EEF1G: variants seen among roughly 807,000 people sequenced by gnomAD.
EEF1G encodes eukaryotic translation elongation factor 1 gamma, also known as elongation factor 1-gamma.
Under a neutral mutation model 58.3 loss-of-function variants are expected in EEF1G, and 14 were observed. That is an observed-to-expected ratio of 0.24 (90% CI 0.16 to 0.38). EEF1G has a LOEUF of 0.38. Ranked by LOEUF, EEF1G falls within the 10% of genes least tolerant of loss-of-function variation. The pLI is 1.00. For synonymous variants in EEF1G, 180 were observed against 206.8 expected (o/e 0.87, Z 1.11); for missense variants, 322 against 550.1 (o/e 0.59, Z 4.15).
chr11:62,561,714 T>TA (rs1941499489), intron 7 of EEF1G, among the ~76,000 whole-genome samples: 1 of 148,260 alleles, frequency 6.7e-6, no homozygotes, highest in Admixed American at 6.7e-5. Context: ...AAAACACATA[T>TA]ATGTGTGTGT....
At chr11:62,563,943 T>C (rs146555659) in intron 7 of EEF1G, among the ~76,000 whole-genome samples, 77 of 152,278 alleles carry the variant, frequency 5.1e-4, no homozygotes, top group Non-Finnish European at 9.3e-4. Context: ...CCTGAACTGT[T>C]CAAGCTATTT....
chr11:62,571,537 C>T lies in EEF1G; in HGVS notation c.378+3G>A. The T allele has an allele frequency of 1.3e-6, 2 of 1,595,746 alleles. No homozygotes were observed. The highest frequency in any genetic ancestry group is 1.1e-5 in the South Asian group (1 of 87,386). On this transcript the variant is annotated splice_donor_region_variant and intron_variant, in intron 4 of 9. Transcript: ENST00000329251. Reference sequence around the variant, plus strand: ...TGGCTTCTCTCAAAGTTCCAAGGCTCACCTGTTTGTTGTGGTGCATGATGC... The same window carrying T: ...TGGCTTCTCTCAAAGTTCCAAGGCTTACCTGTTTGTTGTGGTGCATGATGC...
intron 1 of EEF1G, 163 bp downstream of exon 1, chr11:62,573,668 C>T: frequency 1.0e-6 from 1 of 1,000,726 alleles, no homozygotes; most frequent in Non-Finnish European, 1.5e-6. Flanking sequence ...AGCCTCAGTT[C>T]CCCTCCAGGC....
chr11:62,566,440 C>T (rs897291553), intron 7 of EEF1G, among the ~76,000 whole-genome samples: 4 of 152,052 alleles, frequency 2.6e-5, no homozygotes, highest in African/African-American at 4.8e-5. Flanking sequence ...CGTGGCGCAC[C>T]GCAAGGCTCT....
intron 1 of EEF1G, chr11:62,573,589 A>C (rs1941664558): frequency 3.3e-6 from 2 of 601,252 alleles, no homozygotes; most frequent in South Asian, 2.1e-5. Context: ...CAGGCTTCGG[A>C]CGGCCCAGAC....
intron 2 of EEF1G, among the ~76,000 whole-genome samples, chr11:62,572,122 A>G (rs1482532879): frequency 6.6e-6 from 1 of 152,092 alleles, no homozygotes; most frequent in Non-Finnish European, 1.5e-5. Flanking sequence ...TTTGAATATT[A>G]CAGGATATTT....
At chr11:62,563,655 T>C (rs1408165667) in intron 7 of EEF1G, among the ~76,000 whole-genome samples, 1 of 152,226 alleles carries the variant, frequency 6.6e-6, no homozygotes, top group East Asian at 1.9e-4. Context: ...GAATGTTTAG[T>C]TGGTTCTATT....
intron 4 of EEF1G, 101 bp downstream of exon 4, chr11:62,571,439 T>G: frequency 6.8e-7 from 1 of 1,460,286 alleles, no homozygotes; most frequent in Non-Finnish European, 9.1e-7. Flanking sequence ...TGCCTACATA[T>G]CCTTGGCATC....
chr11:62,570,566 G>A (rs1371628538), intron 5 of EEF1G, among the ~76,000 whole-genome samples: 3 of 151,962 alleles, frequency 2.0e-5, no homozygotes, highest in African/African-American at 7.2e-5. Flanking sequence ...GCTGTTTTTT[G>A]TTTGTTTTGA....
chr11:62,567,051 C>T lies in EEF1G; in HGVS notation c.653-41G>A, dbSNP rs1208441036. On this transcript the variant is annotated intron_variant, in intron 6 of 9. Transcript: ENST00000329251. The stretch of plus-strand genomic sequence containing the variant: ...GCAGGAAAGTGAACGAATGTTCTGC[C>T]TCTTTCCACACCCCTCCAAAACCAC... 1.2e-5 allele frequency: 19 copies of T among 1,601,554 alleles called. No homozygotes were observed. The Admixed American group carries it at 3.2e-4, about 27-fold the overall frequency.
intron 2 of EEF1G, among the ~76,000 whole-genome samples, chr11:62,572,110 G>C (rs775440305): frequency 6.6e-6 from 1 of 152,022 alleles, no homozygotes; most frequent in African/African-American, 2.4e-5. Flanking sequence ...AAGCCCAATA[G>C]ATTTGAATAT....
intron 6 of EEF1G, 120 bp downstream of exon 6, chr11:62,567,279 T>C (rs1238778951): frequency 2.2e-6 from 3 of 1,341,088 alleles, no homozygotes; most frequent in Non-Finnish European, 3.0e-6. Flanking sequence ...GCTACCACAT[T>C]GACACCCTAC....
chr11:62,572,954 T>G (rs897439844), intron 1 of EEF1G: 8 of 430,232 alleles, frequency 1.9e-5, no homozygotes, highest in Non-Finnish European at 2.9e-5. Flanking sequence ...AAATAAAGCT[T>G]GTTGACAGAT....
chr11:62,567,240 G>A (rs1941567844), intron 6 of EEF1G, among the ~76,000 whole-genome samples, 159 bp downstream of exon 6: 1 of 152,166 alleles, frequency 6.6e-6, no homozygotes, highest in Non-Finnish European at 1.5e-5. Context: ...GTCAGGGTAT[G>A]AGTGTACACG....
intron 9 of EEF1G, 95 bp from the exon 10 acceptor site, chr11:62,559,932 CTCCTGTGAACATGA>C: frequency 6.2e-7 from 1 of 1,607,244 alleles, no homozygotes; most frequent in Non-Finnish European, 8.5e-7. Flanking sequence ...GACCCCAGGT[CTCCTGTGAACATGA>C]ACTGCTCCTT....
intron 7 of EEF1G, among the ~76,000 whole-genome samples, chr11:62,566,429 G>A (rs941085532): frequency 4.6e-5 from 7 of 152,056 alleles, no homozygotes; most frequent in African/African-American, 1.2e-4. Flanking sequence ...ACAGCCGGGC[G>A]CGTGGCGCAC....
chr11:62,563,585 CCAAA>C (rs568627994), intron 7 of EEF1G, among the ~76,000 whole-genome samples: 7 of 152,256 alleles, frequency 4.6e-5, no homozygotes, highest in South Asian at 2.1e-4. Flanking sequence ...ATTTTAATGG[CCAAA>C]CAATCTTCTA....
Position 62,572,604 on chromosome 11 carries a change from G to A in EEF1G, c.151C>T (p.Arg51Cys). Residue 51 changes from arginine (R) to cysteine (C), a missense_variant, in exon 2 of 10, where the codon CGC (arginine) becomes TGC (cysteine). Around this residue, in one of 3 missense-constraint regions of EEF1G, gnomAD observed 62 missense variants for 87.0 expected, o/e 0.71. Transcript: ENST00000329251. The part of the protein sequence containing the change: ...GQTNRTPEFL[R>C]KFPAGKVPAF... Reference sequence around the variant, plus strand: ...CTCACCTTGCCGGCAGGAAATTTGCGGAGAAATTCAGGGGTGCGGTTGGTT... The same window carrying A: ...CTCACCTTGCCGGCAGGAAATTTGCAGAGAAATTCAGGGGTGCGGTTGGTT... 1 of 1,612,110 alleles carries A rather than the reference G, an allele frequency of 6.2e-7. No individual in the cohort carries two copies. The highest frequency in any genetic ancestry group is 8.5e-7 in the Non-Finnish European group (1 of 1,179,868).
Position 62,560,374 on chromosome 11 carries a change from T to C in EEF1G, c.938A>G (p.His313Arg). The C allele has an allele frequency of 6.2e-7, 1 of 1,608,996 alleles. No individual in the cohort carries two copies. Among genetic ancestry groups the C allele is most frequent in the Non-Finnish European group, 8.5e-7 (1 of 1,177,494 alleles). ...CAGGGACCAGCCGTCCTTATCAAAGTGCTCCCAGAAATATGGCAGTGCCAC... is the reference window on the plus strand; with the variant it reads ...CAGGGACCAGCCGTCCTTATCAAAGCGCTCCCAGAAATATGGCAGTGCCAC... ...LSVALPYFWE[H>R]FDKDGWSLWY... is the part of the protein sequence containing the mutation. Residue 313 changes from histidine to arginine, a missense_variant, in exon 8 of 10, where the codon CAC becomes CGC. Physicochemically the swap from His to Arg is conservative, Grantham distance 29 (BLOSUM62 0). Around this residue, in one of 3 missense-constraint regions of EEF1G, gnomAD observed 208 missense variants for 323.7 expected, o/e 0.64. Transcript: ENST00000329251.
Sources: allele counts gnomAD v4.1 joint callset (sites outside exome capture counted in the v4.1 genomes callset), GRCh38; gene constraint gnomAD v4.1.1; regional missense constraint gnomAD v4.1.1; transcripts MANE v1.5; gene names NCBI Gene and HGNC (gene_info 2026-07-23, HGNC 2026-07-21).